AKAP17A: variants seen among roughly 807,000 people sequenced by gnomAD.
The protein encoded by AKAP17A is A-kinase anchoring protein 17A.
AKAP17A carries 15 observed loss-of-function variants against 52.2 expected under a neutral mutation model. The observed-to-expected ratio is 0.29, with a 90% CI of 0.19 to 0.44. AKAP17A has a LOEUF of 0.44. AKAP17A is among the 20% of genes least tolerant of loss of function. AKAP17A has a pLI of 1.00. For missense variants in AKAP17A, 1,060 were observed against 1,007.0 expected (o/e 1.05, Z -0.71); for synonymous variants, 514 against 424.7 (o/e 1.21, Z -2.58).
intron 3 of AKAP17A, among the ~76,000 whole-genome samples, chrX:1,596,288 C>T (rs1223764114): frequency 2.6e-5 from 4 of 151,456 alleles, no homozygotes; most frequent in Non-Finnish European, 5.9e-5. Flanking sequence ...ACATAAGAGG[C>T]CTTTAAAGCA....
chrX:1,598,002 C>T (rs117154245), intron 3 of AKAP17A, among the ~76,000 whole-genome samples: 7 of 152,308 alleles, frequency 4.6e-5, no homozygotes, highest in African/African-American at 1.4e-4. Context: ...AGGCCCAGGG[C>T]AGCCTCCTGC....
At chrX:1,600,251 C>T (rs1354990444) in intron 4 of AKAP17A, 18 of 1,263,212 alleles carry the variant, frequency 1.4e-5, no homozygotes, top group Middle Eastern at 2.1e-4. Flanking sequence ...AGGCTCGCCC[C>T]GCAGCTACGG....
chrX:1,599,465 G>A lies in AKAP17A; in HGVS notation c.1152+33G>A, dbSNP rs187057756. On this transcript the variant is annotated intron_variant, in intron 4 of 4. Coordinates refer to ENST00000313871, the MANE Select transcript of AKAP17A (RefSeq NM_005088.3). ...GGGGCTCCCTCTGCAGCCGCCAGCC[G>A]CGCCCGGGCTGCCCTCAGTGCCCTC... The A allele has an allele frequency of 3.6e-4, 552 of 1,553,410 alleles. No individual in the cohort carries two copies. In the African/African-American group the frequency reaches 6.0e-3, roughly 17 times the overall value.
chrX:1,600,976 G>GC lies in AKAP17A; in HGVS notation c.1475dup (p.Ala493GlyfsTer60). On this transcript the variant is annotated frameshift_variant, in exon 5 of 5. Coordinates refer to ENST00000313871, the MANE Select transcript of AKAP17A (RefSeq NM_005088.3). LOFTEE classifies it high-confidence loss of function. ...CCACGCTGCACCCCCTCGGGGGCCA[G>GC]CCCCCGGCCGGTGCCCCCAAGGAGA... 1.9e-6 allele frequency: 3 copies of GC among 1,593,698 alleles called. No homozygotes were observed. Among genetic ancestry groups the GC allele is most frequent in the Non-Finnish European group, 2.6e-6 (3 of 1,171,702 alleles).
chrX:1,599,502 G>A (rs1182676952), intron 4 of AKAP17A, 70 bp downstream of exon 4: 34 of 1,548,798 alleles, frequency 2.2e-5, no homozygotes, highest in African/African-American at 2.7e-5. Context: ...CCTGAAATGC[G>A]GGCGGCGTCA....
chrX:1,600,972 G>T lies in AKAP17A; in HGVS notation c.1466G>T (p.Gly489Val), dbSNP rs566941137. The stretch of plus-strand genomic sequence containing the variant: ...GCCACCACGCTGCACCCCCTCGGGG[G>T]CCAGCCCCCGGCCGGTGCCCCCAAG... ...VSATTLHPLGGQPPAGAPKES... is the reference protein window; with the variant it reads ...VSATTLHPLGVQPPAGAPKES... Residue 489 changes from glycine (G) to valine (V), a missense_variant, in exon 5 of 5, where the codon GGC becomes GTC. Around this residue, in one of 2 missense-constraint regions of AKAP17A, gnomAD observed 793 missense variants for 629.9 expected, o/e 1.26. Coordinates refer to ENST00000313871, the MANE Select transcript of AKAP17A (RefSeq NM_005088.3). The T allele has an allele frequency of 5.0e-6, 8 of 1,592,026 alleles. No homozygotes were observed. In the East Asian group the frequency reaches 9.1e-5, roughly 18 times the overall value.
In AKAP17A at chrX:1,601,713, C is replaced by A; in HGVS notation, c.*119C>A. The A allele has an allele frequency of 1.1e-6, 1 of 941,412 alleles. No homozygotes were observed. The highest frequency in any genetic ancestry group is 3.4e-5 in the South Asian group (1 of 29,668). The allele number at this position is 941,412 out of a possible 1,614,324, so 58.3% of individuals were successfully genotyped here. ...CAAAGCCAAGACCCTTCTGCAGCCA[C>A]GAATGTCCACGGAGCCCGCCGGCAG... On this transcript the variant is annotated 3_prime_UTR_variant, in exon 5 of 5. Coordinates refer to ENST00000313871, the MANE Select transcript of AKAP17A (RefSeq NM_005088.3).
chrX:1,592,978 G>T (rs1252256010), intron 1 of AKAP17A, among the ~76,000 whole-genome samples: 2 of 152,128 alleles, frequency 1.3e-5, no homozygotes, highest in Non-Finnish European at 2.9e-5. Context: ...CAGGGCCGCC[G>T]CCCCCTCCAC....
chrX:1,595,433 G>A lies in AKAP17A; in HGVS notation c.812G>A (p.Arg271Gln). The change falls in exon 3 of 5, where the codon CGG becomes CAG. Residue 271 changes from arginine to glutamine, a missense_variant. By Grantham distance (43) the Arg-to-Gln change is conservative. Transcript: ENST00000313871. ...KHLSDASIKKRQLERQKLQEL... is the reference protein window; with the variant it reads ...KHLSDASIKKQQLERQKLQEL... Reference sequence around the variant, plus strand: ...CTGAGTGATGCCTCAATTAAGAAGCGGCAGCTGGAGAGGCAGAAGCTTCAG... The same window carrying A: ...CTGAGTGATGCCTCAATTAAGAAGCAGCAGCTGGAGAGGCAGAAGCTTCAG... The A allele has an allele frequency of 6.2e-7, 1 of 1,614,020 alleles. No individual in the cohort carries two copies. Among genetic ancestry groups the A allele is most frequent in the Non-Finnish European group, 8.5e-7 (1 of 1,179,882 alleles).
chrX:1,592,310 C>G (rs1156819678), intron 1 of AKAP17A, among the ~76,000 whole-genome samples: 2 of 151,766 alleles, frequency 1.3e-5, no homozygotes, highest in Non-Finnish European at 2.9e-5. Context: ...TGGGGCCCTG[C>G]CAGGGGTGCC....
At chrX:1,595,319 G>T in intron 2 of AKAP17A, 65 bp from the exon 3 acceptor site, 1 of 1,603,680 alleles carries the variant, frequency 6.2e-7, no homozygotes, top group Non-Finnish European at 8.5e-7. Context: ...CCAGGAGAGG[G>T]CGCCTGGCCG....
chrX:1,595,117 T>G (rs1932918192), intron 2 of AKAP17A, among the ~76,000 whole-genome samples: 1 of 152,244 alleles, frequency 6.6e-6, no homozygotes, highest in African/African-American at 2.4e-5. Context: ...GTTCAGTAAG[T>G]GGCGAGGGCT....
intron 3 of AKAP17A, among the ~76,000 whole-genome samples, chrX:1,596,820 ATTCGTCCTCTTCCTCCTCC>A (rs1933015128): frequency 1.6e-5 from 1 of 62,610 alleles, no homozygotes; most frequent in African/African-American, 8.3e-5. Flanking sequence ...AGTGAGGCGG[ATTCGTCCTCTTCCTCCTCC>A]ATCCCTCCTG....
intron 3 of AKAP17A, among the ~76,000 whole-genome samples, 190 bp downstream of exon 3, chrX:1,595,722 T>C (rs1423649099): frequency 1.3e-5 from 2 of 151,892 alleles, no homozygotes; most frequent in African/African-American, 4.8e-5. Flanking sequence ...TGTATGTCCC[T>C]ATGTGCGCCC....
intron 3 of AKAP17A, among the ~76,000 whole-genome samples, chrX:1,598,747 C>G (rs1448218470): frequency 6.6e-6 from 1 of 152,162 alleles, no homozygotes; most frequent in Non-Finnish European, 1.5e-5. Flanking sequence ...GTGTGGTGCC[C>G]TCACAGGAGT....
rs1932884483 is a variant in AKAP17A, at chrX:1,593,815, A to G, written c.353A>G (p.Lys118Arg). 1 of 1,611,592 alleles carries G rather than the reference A, an allele frequency of 6.2e-7. No individual in the cohort carries two copies. Among genetic ancestry groups the G allele is most frequent in the Non-Finnish European group, 8.5e-7 (1 of 1,178,588 alleles). The part of the protein sequence containing the change: ...DILKVRAAEF[K>R]IDFPTRHDWD... Reference sequence around the variant, plus strand: ...CTGAAGGTGCGCGCGGCCGAGTTCAAGATCGACTTCCCCACCCGCCACGAC... The same window carrying G: ...CTGAAGGTGCGCGCGGCCGAGTTCAGGATCGACTTCCCCACCCGCCACGAC... The change falls in exon 2 of 5, where the codon AAG (lysine) becomes AGG (arginine). Residue 118 changes from lysine (K) to arginine (R), a missense_variant. By Grantham distance (26) the Lys-to-Arg change is conservative. Coordinates refer to ENST00000313871, the MANE Select transcript of AKAP17A (RefSeq NM_005088.3).
At chrX:1,599,692 C>T in intron 4 of AKAP17A, 1 of 648,110 alleles carries the variant, frequency 1.5e-6, no homozygotes, top group Non-Finnish European at 2.8e-6. Flanking sequence ...TGGCAGCCTC[C>T]CGGGGGCCAG....
At chrX:1,596,226 TAAAAA>T (rs561491812) in intron 3 of AKAP17A, among the ~76,000 whole-genome samples, 1 of 133,974 alleles carries the variant, frequency 7.5e-6, no homozygotes, top group African/African-American at 2.8e-5. Context: ...TGGCCAGATT[TAAAAA>T]AAAAAAAAAA....
chrX:1,599,990 G>A, intron 4 of AKAP17A: 1 of 477,140 alleles, frequency 2.1e-6, no homozygotes, highest in Non-Finnish European at 3.9e-6. Context: ...AGGCGCGACT[G>A]GTAACTCCCA....
Sources: gnomAD v4.1 joint callset for allele counts (sites outside exome capture counted in the v4.1 genomes callset) on GRCh38, gnomAD v4.1.1 for gene constraint, gnomAD v4.1.1 regional missense constraint, MANE v1.5 for transcripts, NCBI Gene and HGNC (gene_info 2026-07-23, HGNC 2026-07-21) for gene names.